The following ETV3L variants were observed in gnomAD, a reference collection of about 807,000 sequenced individuals.
ETV3L encodes ETS variant transcription factor 3 like.
Under a neutral mutation model 27.6 loss-of-function variants are expected in ETV3L, and 30 were observed. The observed-to-expected ratio is 1.09, with a 90% CI of 0.81 to 1.48. The LOEUF (loss-of-function observed/expected upper bound fraction) is 1.48. Among genes scored for constraint, ETV3L ranks in the 40% most tolerant of loss-of-function variants. The probability of loss-of-function intolerance (pLI) is 0.00; values close to 1 mark genes in which losing one functional copy is unlikely to be tolerated. For synonymous variants in ETV3L, 186 were observed against 188.9 expected (o/e 0.98, Z 0.12); for missense variants, 443 against 455.6 (o/e 0.97, Z 0.25).
chr1:157,092,215 T>G lies in ETV3L; in HGVS notation c.*434A>C. ...AGAAATCAGAGGGATGGGAGAGAAG[T>G]TGCATGGAGGGGTGAGAAAGGGACT... On this transcript the variant is annotated 3_prime_UTR_variant, in exon 5 of 5. Coordinates refer to ENST00000454449, the MANE Select transcript of ETV3L (RefSeq NM_001004341.2). The G allele has an allele frequency of 6.3e-6, 1 of 159,422 alleles. No individual in the cohort carries two copies. Among genetic ancestry groups the G allele is most frequent in the Non-Finnish European group, 1.4e-5 (1 of 72,528 alleles). The allele number at this position is 159,422 out of a possible 1,614,324, so 9.9% of individuals were successfully genotyped here. A position where few individuals can be genotyped will look rare whatever the true frequency, so the allele number is the denominator to read the frequency against.
At position 157,098,855 on chromosome 1, in the gene ETV3L, T is replaced by C. The variant is rs773940808; in HGVS notation, c.337A>G (p.Lys113Glu). 6.2e-7 allele frequency: 1 copy of C among 1,614,056 alleles called. No homozygotes were observed. The highest frequency in any genetic ancestry group is 8.5e-7 in the Non-Finnish European group (1 of 1,179,982). ...NKRILHKTKGKRFTYKFNFSK... is the reference protein window; with the variant it reads ...NKRILHKTKGERFTYKFNFSK... ...AAGTTGAACTTGTATGTGAACCTTTTGCCTTTGGTCTTATGCAGGATCCTC... is the reference window on the plus strand; with the variant it reads ...AAGTTGAACTTGTATGTGAACCTTTCGCCTTTGGTCTTATGCAGGATCCTC... Residue 113 changes from lysine (K) to glutamate (E), a missense_variant, in exon 3 of 5, where the codon AAA becomes GAA. Transcript: ENST00000454449.
rs1558021650 is a variant in ETV3L, at chr1:157,099,348, G to A, written c.89C>T (p.Ala30Val). Reference protein sequence around the residue: ...GLAFPDWAYKAESSPGSRQIQ... With the variant: ...GLAFPDWAYKVESSPGSRQIQ... ...CTGCCGGGAGCCTGGGGACGACTCG[G>A]CTTTGTAGGCCCAATCAGGGAAGGC... is the stretch of plus-strand genomic sequence containing the variant. Residue 30 changes from alanine (A) to valine (V), a missense_variant, in exon 2 of 5, where the codon GCC becomes GTC. Ala to Val is a moderately conservative substitution (Grantham distance 64). Coordinates refer to ENST00000454449, the MANE Select transcript of ETV3L (RefSeq NM_001004341.2). 2 of 1,614,086 alleles carry A rather than the reference G, an allele frequency of 1.2e-6. No homozygotes were observed. The highest frequency in any genetic ancestry group is 1.3e-5 in the African/African-American group (1 of 74,928).
intron 4 of ETV3L, among the ~76,000 whole-genome samples, chr1:157,096,243 G>A (rs532067445): frequency 5.9e-5 from 9 of 152,144 alleles, no homozygotes; most frequent in Non-Finnish European, 1.2e-4. Flanking sequence ...TGATGCCCTC[G>A]GCACCCTGCA....
chr1:157,098,237 C>G (rs906886439), intron 3 of ETV3L, among the ~76,000 whole-genome samples: 1 of 152,068 alleles, frequency 6.6e-6, no homozygotes, highest in African/African-American at 2.4e-5. Context: ...GCTGGGATTA[C>G]AGACATGTGC....
rs750165568 is a variant in ETV3L at position 157,092,831 on chromosome 1, G to A, written c.904C>T (p.Leu302Phe). 20 of 1,614,038 alleles carry A rather than the reference G, an allele frequency of 1.2e-5. No individual in the cohort carries two copies. In the Admixed American group the frequency reaches 1.7e-4, roughly 13 times the overall value. ...AGCCCCTCGGGCCTGAGGGACAAGAGCCAAAGCCTCTCACCCGCACCCTGT... is the reference window on the plus strand; with the variant it reads ...AGCCCCTCGGGCCTGAGGGACAAGAACCAAAGCCTCTCACCCGCACCCTGT... The part of the protein sequence containing the change: ...LGQGAGERLW[L>F]LSLRPEGLEV... The change falls in exon 5 of 5, where the codon CTC (leucine) becomes TTC (phenylalanine). Residue 302 changes from leucine to phenylalanine, a missense_variant. Transcript: ENST00000454449.
rs768883560 is a variant in ETV3L, at chr1:157,093,071, C to T, written c.664G>A (p.Val222Ile). 1.1e-4 allele frequency: 160 copies of T among 1,509,668 alleles called. No individual in the cohort carries two copies. Among genetic ancestry groups the T allele is most frequent in the Middle Eastern group, 4.5e-4 (2 of 4,432 alleles). 93.5% of individuals were successfully genotyped at this position (1,509,668 alleles called of 1,614,324 possible). Residue 222 changes from valine (V) to isoleucine (I), a missense_variant, in exon 5 of 5, where the codon GTC becomes ATC. By Grantham distance (29) the Val-to-Ile change is conservative (BLOSUM62 3). Coordinates refer to ENST00000454449, the MANE Select transcript of ETV3L (RefSeq NM_001004341.2). ...GCAACACCAGGCAGCTCGCCTTGGA[C>T]GCTCCCCAAATGGCAGCAAAGGCCC... ...RLGLCCHLGS[V>I]QGELPGVASF... is the part of the protein sequence containing the mutation.
intron 4 of ETV3L, 143 bp downstream of exon 4, chr1:157,097,725 G>T: frequency 9.6e-7 from 1 of 1,039,836 alleles, no homozygotes; most frequent in Non-Finnish European, 1.4e-6. Context: ...TAAATAGCTG[G>T]TGTTCAATAA....
Position 157,099,534 on chromosome 1 carries a change from G to A in ETV3L, c.-11C>T, listed in dbSNP as rs375595524. ...GCAGCTGCAGTGCATGGTCCACTCC[G>A]GCGAGATGGGCTGTGTCTGGGCCTT... is the stretch of plus-strand genomic sequence containing the variant. On this transcript the variant is annotated 5_prime_UTR_variant, in exon 1 of 5. Transcript: ENST00000454449. The A allele has an allele frequency of 2.3e-5, 37 of 1,603,316 alleles. No homozygotes were observed. Among genetic ancestry groups the A allele is most frequent in the African/African-American group, 9.4e-5 (7 of 74,544 alleles).
At chr1:157,096,776 C>T (rs1250278535) in intron 4 of ETV3L, among the ~76,000 whole-genome samples, 1 of 152,106 alleles carries the variant, frequency 6.6e-6, no homozygotes, top group East Asian at 1.9e-4. Context: ...CAAAATTAGC[C>T]AAGGTGGTGG....
rs201981231 is a variant in ETV3L, at chr1:157,097,423, A to C, written c.607+445T>G. Among the ~76,000 whole-genome samples, 33 of 145,628 alleles carry C rather than the reference A, an allele frequency of 2.3e-4. No homozygotes were observed. The East Asian group carries it at 6.7e-3, about 30-fold the overall frequency. ...GGGAGGCAGAGGCTGCAGTGAGCTG[A>C]GATCCTGCCACTGTGTTCCAGCCTG... On this transcript the variant is annotated intron_variant, in intron 4 of 4. Coordinates refer to ENST00000454449, the MANE Select transcript of ETV3L (RefSeq NM_001004341.2).
Position 157,093,222 on chromosome 1 carries a change from G to A in ETV3L, c.608-95C>T, listed in dbSNP as rs912805035. The A allele has an allele frequency of 6.9e-6, 6 of 871,954 alleles. No homozygotes were observed. In the African/African-American group the frequency reaches 1.0e-4, roughly 15 times the overall value. 54.0% of individuals were successfully genotyped at this position (871,954 alleles called of 1,614,324 possible). On this transcript the variant is annotated intron_variant, in intron 4 of 4. Coordinates refer to ENST00000454449, the MANE Select transcript of ETV3L (RefSeq NM_001004341.2). ...TCCCAGCCCTTCTTGTTTCTTGCTT[G>A]GAAGTCTCTTCCTCGCCCCACTGCC...
At chr1:157,095,551 CT>C (rs397939617) in intron 4 of ETV3L, among the ~76,000 whole-genome samples, 15 of 140,568 alleles carry the variant, frequency 1.1e-4, no homozygotes, top group South Asian at 2.3e-4. Context: ...TTCTTTCTTT[CT>C]TTTTTTTTTT....
rs777517564 is a variant in ETV3L, at chr1:157,095,550, TC to T, written c.607+2317del. On this transcript the variant is annotated intron_variant, in intron 4 of 4. Coordinates refer to ENST00000454449, the MANE Select transcript of ETV3L (RefSeq NM_001004341.2). ...ACACTTTTTTCTTTCTTTCTTTCTT[TC>T]TTTTTTTTTTTCTACCACTATCCAC... 6.0e-3 allele frequency among the ~76,000 whole-genome samples: 888 copies of T among 149,070 alleles called. 6 individuals carry two copies. Among genetic ancestry groups the T allele is most frequent in the South Asian group, 0.015 (71 of 4,698 alleles).
At chr1:157,098,109 T>TA (rs113264009) in intron 3 of ETV3L, 121 bp from the exon 4 acceptor site, 13,949 of 1,225,216 alleles carry the variant, frequency 0.011, 213 homozygotes, top group African/African-American at 0.062. Flanking sequence ...CGATTTTTTT[T>TA]TTTTTGAGTT....
chr1:157,094,257 G>T (rs1674177967), intron 4 of ETV3L, among the ~76,000 whole-genome samples: 2 of 152,204 alleles, frequency 1.3e-5, no homozygotes, highest in South Asian at 4.1e-4. Context: ...GGATTAAGCT[G>T]TGTCATGGGT....
intron 2 of ETV3L, 69 bp from the exon 3 acceptor site, chr1:157,098,964 A>G: frequency 6.6e-7 from 1 of 1,521,976 alleles, no homozygotes; most frequent in Non-Finnish European, 9.0e-7. Context: ...ACCCAGTCAC[A>G]TTCTCCTCCC....
At position 157,099,189 on chromosome 1, in the gene ETV3L, C is replaced by T. The variant is rs768731373; in HGVS notation, c.248G>A (p.Arg83Lys). ...ATAATTCATCTGTGGTTTGCATTTC[C>T]TGCGGCCCCAGAGGCGGGCCACCTC... ...PDEVARLWGR[R>K]KCKPQMNYDK... Residue 83 changes from arginine (R) to lysine (K), a missense_variant, in exon 2 of 5, where the codon AGG (arginine) becomes AAG (lysine). Physicochemically the swap from Arg to Lys is conservative, Grantham distance 26. Coordinates refer to ENST00000454449, the MANE Select transcript of ETV3L (RefSeq NM_001004341.2). 3.1e-6 allele frequency: 5 copies of T among 1,613,904 alleles called. No homozygotes were observed. Among genetic ancestry groups the T allele is most frequent in the Non-Finnish European group, 3.4e-6 (4 of 1,179,928 alleles).
At chr1:157,094,193 A>G (rs1674177008) in intron 4 of ETV3L, among the ~76,000 whole-genome samples, 1 of 152,184 alleles carries the variant, frequency 6.6e-6, no homozygotes, top group Non-Finnish European at 1.5e-5. Flanking sequence ...TGGCCTTGTC[A>G]TTTAAATTTG....
intron 4 of ETV3L, among the ~76,000 whole-genome samples, chr1:157,093,378 A>C (rs1674160077): frequency 6.6e-6 from 1 of 152,074 alleles, no homozygotes; most frequent in African/African-American, 2.4e-5. Context: ...CTGGGACTAC[A>C]GGTGCGTGTG....
Sources: gnomAD v4.1 joint callset for allele counts (sites outside exome capture counted in the v4.1 genomes callset) on GRCh38, gnomAD v4.1.1 for gene constraint, MANE v1.5 for transcripts, NCBI Gene and HGNC (gene_info 2026-07-23, HGNC 2026-07-21) for gene names.